Variants in ACAP2 observed in about 807,000 individuals in gnomAD.
ACAP2 encodes arf-GAP with coiled-coil, ANK repeat and PH domain-containing protein 2.
In ACAP2, 39 loss-of-function variants were observed where a neutral mutation model predicts 115.8. The observed-to-expected ratio is 0.34, with a 90% confidence interval of 0.26 to 0.44. The LOEUF (loss-of-function observed/expected upper bound fraction) is 0.44, where lower values mean the gene tolerates loss of function less well. Ranked by LOEUF, ACAP2 falls within the 20% of genes least tolerant of loss-of-function variation. ACAP2 has a pLI of 1.00. For missense variants in ACAP2, 662 were observed against 927.6 expected, an observed-to-expected ratio of 0.71 and a Z score of 3.72; for synonymous variants, 289 against 315.8, an observed-to-expected ratio of 0.92 and a Z score of 0.90.
intron 1 of ACAP2, among the ~76,000 whole-genome samples, chr3:195,440,011 C>T (rs1441145961): frequency 6.6e-6 from 1 of 152,058 alleles, no homozygotes; most frequent in South Asian, 2.1e-4. Flanking sequence ...CAACTACATA[C>T]AATTAAGGGC....
intron 10 of ACAP2, among the ~76,000 whole-genome samples, chr3:195,318,967 T>C (rs952876767): frequency 1.3e-5 from 2 of 152,150 alleles, no homozygotes; most frequent in African/African-American, 4.8e-5. Flanking sequence ...AAAAATAGTA[T>C]TGTGGGCCAG....
chr3:195,335,995 G>T (rs1481564164), intron 7 of ACAP2: 2 of 149,716 alleles, frequency 1.3e-5, no homozygotes, highest in East Asian at 2.0e-4. Context: ...CTGCCTCCCG[G>T]GTTCAAGCAA....
intron 1 of ACAP2, among the ~76,000 whole-genome samples, chr3:195,437,063 A>G (rs567349590): frequency 6.6e-6 from 1 of 152,314 alleles, no homozygotes; most frequent in African/African-American, 2.4e-5. Context: ...AATTTTTTTT[A>G]AAGAGACAGG....
chr3:195,279,417 A>G lies in ACAP2; in HGVS notation c.2248T>C (p.Tyr750His). 4.4e-6 allele frequency: 7 copies of G among 1,593,132 alleles called. No homozygotes were observed. Among genetic ancestry groups the G allele is most frequent in the Non-Finnish European group, 6.0e-6 (7 of 1,169,044 alleles). The change falls in exon 23 of 23, where the codon TAT becomes CAT. Residue 750 changes from tyrosine (Y) to histidine (H), a missense_variant. By Grantham distance (83) the Tyr-to-His change is moderately conservative (BLOSUM62 2). Around this residue, in one of 3 missense-constraint regions of ACAP2, gnomAD observed 128 missense variants for 200.2 expected, o/e 0.64. Coordinates refer to ENST00000326793, the MANE Select transcript of ACAP2 (RefSeq NM_012287.6). ...GAAAAATCACGAAATATGTCCTGATAAGTTTCATCACCTGCATGAAATAAA... is the reference window on the plus strand; with the variant it reads ...GAAAAATCACGAAATATGTCCTGATGAGTTTCATCACCTGCATGAAATAAA... ...GLYGQPGDET[Y>H]QDIFRDFSQM...
chr3:195,302,458 A>G (rs1350673243), intron 13 of ACAP2, among the ~76,000 whole-genome samples: 1 of 152,208 alleles, frequency 6.6e-6, no homozygotes, highest in Non-Finnish European at 1.5e-5. Flanking sequence ...AGGGAACACT[A>G]GTCTAACATG....
rs1553865711 is a variant in ACAP2, at chr3:195,396,812, A to AG, written c.54-4666_54-4665insC. Among the ~76,000 whole-genome samples, 107 of 149,884 alleles carry AG rather than the reference A, an allele frequency of 7.1e-4. 2 individuals carry two copies. In the East Asian group the frequency reaches 0.013, roughly 18 times the overall value. ...AAAAAAGAAAAAAAAAAAAAAAAAA[A>AG]AAGAAGAAGTATGCTAAATAATTAT... On this transcript the variant is annotated intron_variant, in intron 1 of 22. Transcript: ENST00000326793.
chr3:195,350,731 T>C (rs536196992), intron 4 of ACAP2, among the ~76,000 whole-genome samples: 1 of 152,116 alleles, frequency 6.6e-6, no homozygotes, highest in African/African-American at 2.4e-5. Context: ...TTTATTCATT[T>C]ATTTTTTTTA....
intron 16 of ACAP2, among the ~76,000 whole-genome samples, chr3:195,296,901 C>T (rs2108945568): frequency 6.6e-6 from 1 of 152,162 alleles, no homozygotes; most frequent in South Asian, 2.1e-4. Context: ...TTGAATGCTA[C>T]CATGGACAGA....
At chr3:195,353,498 G>C (rs748291677) in intron 4 of ACAP2, among the ~76,000 whole-genome samples, 1 of 152,122 alleles carries the variant, frequency 6.6e-6, no homozygotes, top group Non-Finnish European at 1.5e-5. Context: ...AAATAACACT[G>C]AAGAAACTAG....
intron 4 of ACAP2, among the ~76,000 whole-genome samples, chr3:195,375,852 A>C (rs1733494684): frequency 6.6e-6 from 1 of 152,170 alleles, no homozygotes; most frequent in Admixed American, 6.6e-5. Context: ...ATGTTCATAG[A>C]ATTTATGTAG....
At chr3:195,362,797 G>A (rs1285219116) in intron 4 of ACAP2, among the ~76,000 whole-genome samples, 1 of 152,058 alleles carries the variant, frequency 6.6e-6, no homozygotes, top group Non-Finnish European at 1.5e-5. Flanking sequence ...GGGTATAGAA[G>A]AAACATACCT....
At chr3:195,422,579 C>A (rs1577457597) in intron 1 of ACAP2, among the ~76,000 whole-genome samples, 1 of 152,002 alleles carries the variant, frequency 6.6e-6, no homozygotes, top group African/African-American at 2.4e-5. Context: ...AAAAGTGATT[C>A]TCTTGCCTCA....
chr3:195,432,860 A>G (rs1234077862), intron 1 of ACAP2, among the ~76,000 whole-genome samples: 1 of 152,184 alleles, frequency 6.6e-6, no homozygotes, highest in Non-Finnish European at 1.5e-5. Flanking sequence ...ATGTCTTTCA[A>G]TGGTGTTTTC....
intron 22 of ACAP2, among the ~76,000 whole-genome samples, chr3:195,281,211 C>G: frequency 6.6e-6 from 1 of 152,104 alleles, no homozygotes; most frequent in Non-Finnish European, 1.5e-5. Flanking sequence ...GGAGACCATC[C>G]TGGCTAACAC....
At chr3:195,318,095 T>A (rs1729212030) in intron 10 of ACAP2, among the ~76,000 whole-genome samples, 1 of 152,140 alleles carries the variant, frequency 6.6e-6, no homozygotes, top group African/African-American at 2.4e-5. Flanking sequence ...GAGCTCTCTC[T>A]CTCCTACCAC....
rs1049856576 is a variant in ACAP2, at chr3:195,399,179, TA to T, written c.54-7033del. On this transcript the variant is annotated intron_variant, in intron 1 of 22. Transcript: ENST00000326793. The stretch of plus-strand genomic sequence containing the variant: ...AGGGAGGAAAAAAATGTTTAAGCCA[TA>T]AAAAAAACCTCACCAGATTTTATAT... 5.9e-4 allele frequency among the ~76,000 whole-genome samples: 89 copies of T among 152,072 alleles called. 1 individual carries two copies. The highest frequency in any genetic ancestry group is 1.8e-3 in the African/African-American group (74 of 41,498).
chr3:195,304,441 T>C (rs1728287265), intron 13 of ACAP2, among the ~76,000 whole-genome samples: 1 of 152,170 alleles, frequency 6.6e-6, no homozygotes, highest in East Asian at 1.9e-4. Flanking sequence ...GCACTGAATA[T>C]GACACCAATT....
chr3:195,345,173 G>A, intron 5 of ACAP2, 86 bp downstream of exon 5: 1 of 895,178 alleles, frequency 1.1e-6, no homozygotes, highest in Non-Finnish European at 1.8e-6. Flanking sequence ...ATAATTCATG[G>A]TATATAACTT....
chr3:195,426,653 C>A (rs1332884921), intron 1 of ACAP2, among the ~76,000 whole-genome samples: 1 of 152,032 alleles, frequency 6.6e-6, no homozygotes, highest in African/African-American at 2.4e-5. Flanking sequence ...TTTCTCACTA[C>A]GGCAACTGAG....
Sources: allele counts gnomAD v4.1 joint callset (sites outside exome capture counted in the v4.1 genomes callset), GRCh38; gene constraint gnomAD v4.1.1; regional missense constraint gnomAD v4.1.1; transcripts MANE v1.5; gene names NCBI Gene and HGNC (gene_info 2026-07-23, HGNC 2026-07-21).